Variants in TTLL5 observed in about 807,000 individuals in gnomAD.
TTLL5 encodes the protein tubulin polyglutamylase TTLL5.
A neutral mutation model predicts 168.4 loss-of-function variants in TTLL5; 132 were observed. The observed-to-expected ratio is 0.78, with a 90% CI of 0.68 to 0.91. TTLL5 has a LOEUF of 0.91. TTLL5 is among the 40% of genes least tolerant of loss of function. The pLI is 0.00. For synonymous variants in TTLL5, 546 were observed against 558.6 expected (o/e 0.98, Z 0.32); for missense variants, 1,545 against 1,581.5 (o/e 0.98, Z 0.39).
chr14:75,758,958 GT>G (rs1298037063), intron 18 of TTLL5, among the ~76,000 whole-genome samples: 1 of 152,098 alleles, frequency 6.6e-6, no homozygotes, highest in African/African-American at 2.4e-5. Context: ...TCTAATGTTT[GT>G]TTTAAGAAAC....
intron 26 of TTLL5, among the ~76,000 whole-genome samples, chr14:75,789,097 T>TA (rs1487418853): frequency 6.6e-6 from 1 of 152,046 alleles, no homozygotes; most frequent in Non-Finnish European, 1.5e-5. Context: ...GAGATTCTCT[T>TA]AAAAAAAGGG....
chr14:75,683,513 T>C (rs948106841), intron 4 of TTLL5, 37 bp from the exon 5 acceptor site: 2 of 1,497,112 alleles, frequency 1.3e-6, no homozygotes, highest in Admixed American at 1.7e-5. Flanking sequence ...GTATCTCTGA[T>C]GTTTTTTTGC....
intron 27 of TTLL5, among the ~76,000 whole-genome samples, chr14:75,793,954 T>C (rs1892858552): frequency 6.6e-6 from 1 of 152,146 alleles, no homozygotes; most frequent in African/African-American, 2.4e-5. Context: ...TAATCAAGTC[T>C]CGAAAAAAGT....
In TTLL5 at chr14:75,776,842, A is replaced by G; in HGVS notation, c.2379A>G (p.Arg793=). 1 of 1,612,340 alleles carries G rather than the reference A, an allele frequency of 6.2e-7. No individual in the cohort carries two copies. The highest frequency in any genetic ancestry group is 8.5e-7 in the Non-Finnish European group (1 of 1,178,482). ...VNMENFQEFI[R]QASEAELEEV... is the part of the protein sequence containing the mutation. ...TGGAAAACTTTCAGGAGTTCATCAG[A>G]CAAGCAAGGTAGTAGACATTCTTGA... The change falls in exon 23 of 32, where the codon AGA becomes AGG. Residue 793 remains arginine (R), a synonymous_variant. Coordinates refer to ENST00000298832, the MANE Select transcript of TTLL5 (RefSeq NM_015072.5).
chr14:75,712,957 A>T (rs1887193965), intron 9 of TTLL5, among the ~76,000 whole-genome samples: 1 of 152,204 alleles, frequency 6.6e-6, no homozygotes, highest in Non-Finnish European at 1.5e-5. Flanking sequence ...GCTGCAAAAT[A>T]GTACCTAGGG....
intron 30 of TTLL5, among the ~76,000 whole-genome samples, chr14:75,890,784 A>G (rs1053815445): frequency 6.6e-5 from 10 of 152,108 alleles, no homozygotes; most frequent in African/African-American, 2.4e-4. Flanking sequence ...CAGTGGCGCG[A>G]TCTTGGCTCA....
chr14:75,741,323 G>A (rs1449238404), intron 15 of TTLL5, among the ~76,000 whole-genome samples: 2 of 152,104 alleles, frequency 1.3e-5, no homozygotes, highest in African/African-American at 2.4e-5. Flanking sequence ...TTAGCCAGAG[G>A]CAATGGTTCT....
At chr14:75,730,746 C>CT (rs920977482) in intron 12 of TTLL5, among the ~76,000 whole-genome samples, 39 of 146,862 alleles carry the variant, frequency 2.7e-4, no homozygotes, top group South Asian at 8.7e-4. Context: ...TTCTAGGATT[C>CT]TTTTTTTTTT....
chr14:75,662,726 C>T (rs1890830083), intron 1 of TTLL5, among the ~76,000 whole-genome samples: 1 of 152,154 alleles, frequency 6.6e-6, no homozygotes, highest in Non-Finnish European at 1.5e-5. Flanking sequence ...TTTAGGGAAT[C>T]AGTCACCTGC....
intron 27 of TTLL5, among the ~76,000 whole-genome samples, chr14:75,806,096 T>C (rs1893638572): frequency 6.6e-6 from 1 of 151,524 alleles, no homozygotes. Flanking sequence ...TGGTGCGCGA[T>C]CTCAGCTCAC....
Position 75,954,575 on chromosome 14 carries a change from C to A in TTLL5, c.*129C>A. The A allele has an allele frequency of 2.0e-6, 2 of 1,010,326 alleles. No homozygotes were observed. The highest frequency in any genetic ancestry group is 3.0e-6 in the Non-Finnish European group (2 of 666,708). The allele number at this position is 1,010,326 out of a possible 1,614,324, so 62.6% of individuals were successfully genotyped here. ...GCTGCCTCAAAGTCCCCAAAGCCTT[C>A]GAGCAGAAGTGGCAGTAGATGGTTG... On this transcript the variant is annotated 3_prime_UTR_variant, in exon 32 of 32. Coordinates refer to ENST00000298832, the MANE Select transcript of TTLL5 (RefSeq NM_015072.5).
At chr14:75,730,658 A>T (rs1252144738) in intron 12 of TTLL5, among the ~76,000 whole-genome samples, 1 of 152,216 alleles carries the variant, frequency 6.6e-6, no homozygotes, top group Non-Finnish European at 1.5e-5. Context: ...GATGCCAAAG[A>T]AATCTCAGAG....
chr14:75,810,145 G>T (rs575786922), intron 27 of TTLL5, among the ~76,000 whole-genome samples: 15 of 152,290 alleles, frequency 9.8e-5, no homozygotes, highest in Admixed American at 7.2e-4. Flanking sequence ...GTAGGTGCCT[G>T]AGAAATATTA....
chr14:75,778,440 T>C (rs139084846), intron 23 of TTLL5, among the ~76,000 whole-genome samples: 27 of 152,352 alleles, frequency 1.8e-4, no homozygotes, highest in African/African-American at 5.5e-4. Context: ...TTCAGTATTC[T>C]GTGAAGGGCC....
chr14:75,680,959 T>C (rs2140116399), intron 3 of TTLL5, among the ~76,000 whole-genome samples: 1 of 152,206 alleles, frequency 6.6e-6, no homozygotes, highest in African/African-American at 2.4e-5. Flanking sequence ...TTTGGTACAA[T>C]AGATCCCTTT....
chr14:75,832,644 CAT>C (rs767443199), intron 28 of TTLL5, among the ~76,000 whole-genome samples: 148 of 152,320 alleles, frequency 9.7e-4, no homozygotes, highest in South Asian at 1.7e-3. Context: ...AAGTATTACA[CAT>C]GATTGGGTCT....
intron 31 of TTLL5, among the ~76,000 whole-genome samples, chr14:75,949,393 T>C (rs1056452762): frequency 1.5e-5 from 2 of 133,714 alleles, no homozygotes; most frequent in African/African-American, 5.5e-5. Flanking sequence ...ATATATAGGA[T>C]ATAGAATATA....
intron 28 of TTLL5, among the ~76,000 whole-genome samples, chr14:75,856,502 T>C (rs1241768250): frequency 6.6e-6 from 1 of 152,216 alleles, no homozygotes; most frequent in Non-Finnish European, 1.5e-5. Flanking sequence ...TTTGTACTTA[T>C]GTAGGTTTTG....
At chr14:75,789,398 G>A (rs1892563443) in intron 26 of TTLL5, among the ~76,000 whole-genome samples, 1 of 152,112 alleles carries the variant, frequency 6.6e-6, no homozygotes, top group East Asian at 1.9e-4. Context: ...AGTAATTACA[G>A]ATACATTTTA....
Sources: gnomAD v4.1 joint callset for allele counts (sites outside exome capture counted in the v4.1 genomes callset) on GRCh38, gnomAD v4.1.1 for gene constraint, MANE v1.5 for transcripts, NCBI Gene and HGNC (gene_info 2026-07-23, HGNC 2026-07-21) for gene names.